SGCZ: variants seen among roughly 807,000 people sequenced by gnomAD.
SGCZ encodes the protein zeta-sarcoglycan.
SGCZ carries 40 observed loss-of-function variants against 41.3 expected under a neutral mutation model. The ratio of observed to expected loss-of-function variants is 0.97; its 90% CI spans 0.75 to 1.26. The LOEUF (loss-of-function observed/expected upper bound fraction) is 1.26. Among genes scored for constraint, SGCZ ranks in the 50% most tolerant of loss-of-function variants. SGCZ has a pLI of 0.00. For synonymous variants in SGCZ, 206 were observed against 137.5 expected (o/e 1.50, Z -3.49); for missense variants, 552 against 369.8 (o/e 1.49, Z -4.04).
At chr8:15,155,639 CAT>C (rs1302836966) in intron 1 of SGCZ, among the ~76,000 whole-genome samples, 11 of 152,022 alleles carry the variant, frequency 7.2e-5, no homozygotes, top group African/African-American at 2.7e-4. Context: ...TCTCTGCAGA[CAT>C]AAAAATGACA....
At chr8:14,450,180 G>A (rs554185008) in intron 2 of SGCZ, among the ~76,000 whole-genome samples, 10 of 152,266 alleles carry the variant, frequency 6.6e-5, no homozygotes, top group African/African-American at 2.4e-4. Flanking sequence ...GATGAAGCCA[G>A]GCTACACAGA....
At chr8:14,598,045 CA>C (rs1805468899) in intron 1 of SGCZ, among the ~76,000 whole-genome samples, 1 of 152,048 alleles carries the variant, frequency 6.6e-6, no homozygotes, top group African/African-American at 2.4e-5. Flanking sequence ...GGAGTTAGAG[CA>C]AAAATTATGA....
intron 1 of SGCZ, among the ~76,000 whole-genome samples, chr8:15,150,407 G>C (rs572630201): frequency 1.3e-5 from 2 of 152,122 alleles, no homozygotes; most frequent in East Asian, 3.9e-4. Context: ...CCATTGAAAA[G>C]GTTTCCTTCG....
At position 14,108,664 on chromosome 8, in the gene SGCZ, C is replaced by T. The variant is rs11992052; in HGVS notation, c.548-429G>A. Reference sequence around the variant, plus strand: ...ACAACACGTGGGCATTATAGGAGTACAATTCTAGATGAGATTTGAGAGAGG... The same window carrying T: ...ACAACACGTGGGCATTATAGGAGTATAATTCTAGATGAGATTTGAGAGAGG... On this transcript the variant is annotated intron_variant, in intron 5 of 7. Transcript: ENST00000382080. 2.6e-5 allele frequency among the ~76,000 whole-genome samples: 4 copies of T among 152,040 alleles called. No individual in the cohort carries two copies. In the East Asian group the frequency reaches 7.8e-4, roughly 30 times the overall value.
At chr8:14,459,934 A>C (rs1209541171) in intron 2 of SGCZ, among the ~76,000 whole-genome samples, 1 of 152,154 alleles carries the variant, frequency 6.6e-6, no homozygotes, top group Non-Finnish European at 1.5e-5. Context: ...AAAAAACTGG[A>C]GATTATGCCA....
At chr8:14,375,422 A>T (rs1288456720) in intron 2 of SGCZ, among the ~76,000 whole-genome samples, 1 of 152,194 alleles carries the variant, frequency 6.6e-6, no homozygotes, top group Admixed American at 6.5e-5. Flanking sequence ...TCAAGAACAT[A>T]ATTATTAGGA....
chr8:14,183,718 G>C (rs747214709), intron 4 of SGCZ, among the ~76,000 whole-genome samples: 1 of 152,050 alleles, frequency 6.6e-6, no homozygotes, highest in Non-Finnish European at 1.5e-5. Context: ...TTAAACACTT[G>C]ATAATAATGA....
intron 1 of SGCZ, among the ~76,000 whole-genome samples, chr8:14,880,845 A>G (rs1047976446): frequency 6.6e-6 from 1 of 152,090 alleles, no homozygotes; most frequent in Non-Finnish European, 1.5e-5. Flanking sequence ...GGAGATATAT[A>G]CCTAATGTAA....
At chr8:14,415,521 C>T (rs1312022787) in intron 2 of SGCZ, among the ~76,000 whole-genome samples, 5 of 151,842 alleles carry the variant, frequency 3.3e-5, no homozygotes, top group Admixed American at 1.3e-4. Context: ...AGTCAGAATG[C>T]TTTATTCTGT....
intron 1 of SGCZ, among the ~76,000 whole-genome samples, chr8:14,794,311 T>C (rs1801052334): frequency 6.6e-6 from 1 of 151,996 alleles, no homozygotes; most frequent in South Asian, 2.1e-4. Context: ...AACATTTCTT[T>C]AAAAATTCAG....
chr8:14,093,458 T>A (rs1801749542), intron 7 of SGCZ, among the ~76,000 whole-genome samples: 1 of 152,106 alleles, frequency 6.6e-6, no homozygotes, highest in African/African-American at 2.4e-5. Context: ...TCTAACATCA[T>A]TTCCTGTAAT....
chr8:14,861,270 G>C (rs1192418154), intron 1 of SGCZ, among the ~76,000 whole-genome samples: 1 of 152,112 alleles, frequency 6.6e-6, no homozygotes, highest in African/African-American at 2.4e-5. Flanking sequence ...GTTCAAAATA[G>C]TGACAAAGAA....
intron 1 of SGCZ, among the ~76,000 whole-genome samples, chr8:14,702,875 AGATAGAT>A (rs1436835758): frequency 1.1e-4 from 16 of 149,222 alleles, no homozygotes; most frequent in East Asian, 3.9e-4. Context: ...ATAGATAGAT[AGATAGAT>A]AAAAAGATAG....
intron 1 of SGCZ, among the ~76,000 whole-genome samples, chr8:14,868,112 C>T (rs988623138): frequency 2.0e-5 from 3 of 152,100 alleles, no homozygotes; most frequent in Non-Finnish European, 2.9e-5. Flanking sequence ...CCTCTGCGTT[C>T]GCTGTTCTCA....
chr8:14,723,293 G>T (rs1305625253), intron 1 of SGCZ, among the ~76,000 whole-genome samples: 1 of 152,214 alleles, frequency 6.6e-6, no homozygotes. Context: ...ACCCTGTGTA[G>T]GATGCCTGAA....
At chr8:14,894,514 C>T (rs2130748168) in intron 1 of SGCZ, among the ~76,000 whole-genome samples, 1 of 152,238 alleles carries the variant, frequency 6.6e-6, no homozygotes, top group Admixed American at 6.5e-5. Flanking sequence ...ATTTGCTCCC[C>T]AAGGGTCTTT....
intron 1 of SGCZ, among the ~76,000 whole-genome samples, chr8:14,569,902 A>G (rs889406334): frequency 1.3e-5 from 2 of 149,886 alleles, no homozygotes; most frequent in South Asian, 4.2e-4. Context: ...TGCCAAAGTG[A>G]GGCCAAAGAA....
At chr8:15,136,434 G>A (rs4831324) in intron 1 of SGCZ, among the ~76,000 whole-genome samples, 75,294 of 151,122 alleles carry the variant, frequency 0.5, 19,860 homozygotes, top group Admixed American at 0.64. Context: ...TTGAGTTGAC[G>A]AAGTAGGAGA....
chr8:14,329,536 G>C (rs1802239932), intron 2 of SGCZ, among the ~76,000 whole-genome samples: 1 of 151,960 alleles, frequency 6.6e-6, no homozygotes, highest in African/African-American at 2.4e-5. Flanking sequence ...CTCCAGCTTG[G>C]AGATTGCCAC....
Sources: allele counts gnomAD v4.1 joint callset (sites outside exome capture counted in the v4.1 genomes callset), GRCh38; gene constraint gnomAD v4.1.1; transcripts MANE v1.5; gene names NCBI Gene and HGNC (gene_info 2026-07-23, HGNC 2026-07-21).